The following VSNL1 variants were observed in gnomAD, a reference collection of about 807,000 sequenced individuals.
VSNL1 encodes visinin-like protein 1.
Under a neutral mutation model 20.4 loss-of-function variants are expected in VSNL1, and 6 were observed. That is an observed-to-expected ratio of 0.29 (90% CI 0.16 to 0.58). The LOEUF (loss-of-function observed/expected upper bound fraction) is 0.58, where lower values mean the gene tolerates loss of function less well. Ranked by LOEUF, VSNL1 falls within the 20% of genes least tolerant of loss-of-function variation. The probability of loss-of-function intolerance (pLI) is 0.90; values close to 1 mark genes in which losing one functional copy is unlikely to be tolerated. For synonymous variants in VSNL1, 93 were observed against 86.4 expected (o/e 1.08, Z -0.42); for missense variants, 100 against 234.5 (o/e 0.43, Z 3.75).
At chr2:17,610,388 A>T (rs1038055338) in intron 2 of VSNL1, among the ~76,000 whole-genome samples, 4 of 152,180 alleles carry the variant, frequency 2.6e-5, no homozygotes, top group Non-Finnish European at 5.9e-5. Context: ...GCTGTGAAAA[A>T]TGGGTGGTGC....
intron 2 of VSNL1, among the ~76,000 whole-genome samples, chr2:17,639,490 C>T (rs918374687): frequency 1.3e-5 from 2 of 152,158 alleles, no homozygotes; most frequent in African/African-American, 4.8e-5. Context: ...ATATGGTGCA[C>T]ATAGTGGATG....
chr2:17,579,236 C>T (rs1385669104), intron 1 of VSNL1, among the ~76,000 whole-genome samples: 1 of 152,156 alleles, frequency 6.6e-6, no homozygotes, highest in African/African-American at 2.4e-5. Context: ...CTGCCTCAGC[C>T]TCCTGAGTAG....
chr2:17,609,063 G>A (rs1665019597), intron 2 of VSNL1, among the ~76,000 whole-genome samples: 1 of 152,200 alleles, frequency 6.6e-6, no homozygotes, highest in Admixed American at 6.5e-5. Flanking sequence ...GTTTAACTGT[G>A]ACAGAGACTC....
chr2:17,622,532 AAAAGAAAGAAAGAAAGAAAGAAAGAAAG>A (rs201871488), intron 2 of VSNL1, among the ~76,000 whole-genome samples: 1,170 of 98,682 alleles, frequency 0.012, 13 homozygotes, highest in African/African-American at 0.014. Flanking sequence ...AGAAAGAAAG[AAAAGAAAGAAAGAAAGAAAGAAAGAAAG>A]AAAGAAAGAA....
At chr2:17,547,341 T>G (rs1414270919) in intron 1 of VSNL1, among the ~76,000 whole-genome samples, 1 of 152,088 alleles carries the variant, frequency 6.6e-6, no homozygotes, top group Non-Finnish European at 1.5e-5. Flanking sequence ...TCCTTATCAT[T>G]AGCATCACTT....
chr2:17,546,884 G>A (rs1431073345), intron 1 of VSNL1, among the ~76,000 whole-genome samples: 1 of 151,924 alleles, frequency 6.6e-6, no homozygotes, highest in Non-Finnish European at 1.5e-5. Flanking sequence ...TTTATATAAA[G>A]TGCTTGATGT....
At chr2:17,577,149 ATATAT>A (rs1664233304) in intron 1 of VSNL1, among the ~76,000 whole-genome samples, 1 of 152,258 alleles carries the variant, frequency 6.6e-6, no homozygotes, top group African/African-American at 2.4e-5. Flanking sequence ...TACAGTAAAA[ATATAT>A]TATACTTTTA....
intron 1 of VSNL1, among the ~76,000 whole-genome samples, chr2:17,590,335 C>G (rs1664570729): frequency 6.6e-6 from 1 of 152,186 alleles, no homozygotes; most frequent in Admixed American, 6.5e-5. Flanking sequence ...TTAGAGTTTT[C>G]TTACTCACAT....
chr2:17,577,158 A>G (rs750184599), intron 1 of VSNL1, among the ~76,000 whole-genome samples: 3 of 152,236 alleles, frequency 2.0e-5, no homozygotes, highest in Non-Finnish European at 4.4e-5. Flanking sequence ...AATATATTAT[A>G]CTTTTATGGG....
At chr2:17,563,507 TAATTGCTG>T (rs1206785664) in intron 1 of VSNL1, among the ~76,000 whole-genome samples, 1 of 152,154 alleles carries the variant, frequency 6.6e-6, no homozygotes, top group Non-Finnish European at 1.5e-5. Flanking sequence ...AGTAAATAGG[TAATTGCTG>T]AATATTTGAG....
intron 2 of VSNL1, among the ~76,000 whole-genome samples, chr2:17,631,314 TAA>T (rs1665622895): frequency 6.6e-6 from 1 of 151,684 alleles, no homozygotes; most frequent in Non-Finnish European, 1.5e-5. Context: ...CTTGATCATA[TAA>T]AAATCTAAAC....
At chr2:17,554,252 A>G (rs764977500) in intron 1 of VSNL1, among the ~76,000 whole-genome samples, 6 of 152,174 alleles carry the variant, frequency 3.9e-5, no homozygotes, top group Non-Finnish European at 7.4e-5. Flanking sequence ...ACATCTGTAA[A>G]TGGAAACTCA....
In VSNL1 at chr2:17,649,056, TG is replaced by T. The variant is rs1320979461; in HGVS notation, c.163-350del. 6.6e-6 allele frequency among the ~76,000 whole-genome samples: 1 copy of T among 152,060 alleles called. No homozygotes were observed. The highest frequency in any genetic ancestry group is 1.5e-5 in the Non-Finnish European group (1 of 67,994). On this transcript the variant is annotated intron_variant, in intron 2 of 3. Coordinates refer to ENST00000295156, the MANE Select transcript of VSNL1 (RefSeq NM_003385.5). The surrounding 1 kb of genome is among the most constrained non-coding windows in gnomAD (Gnocchi z 6.4). ...TGAAGTTCGTGTAGCACCACCTGTG[TG>T]GGGAGAGAAACTGCTGTCTGCCTCA...
intron 2 of VSNL1, among the ~76,000 whole-genome samples, chr2:17,598,916 T>C (rs1007280182): frequency 6.6e-6 from 1 of 152,250 alleles, no homozygotes; most frequent in African/African-American, 2.4e-5. Context: ...AAATTGGTTT[T>C]TACTATGTAG....
chr2:17,587,348 AACAC>A (rs67537461), intron 1 of VSNL1, among the ~76,000 whole-genome samples: 6,257 of 134,460 alleles, frequency 0.047, 158 homozygotes, highest in African/African-American at 0.073. Flanking sequence ...GGCTGAGGGC[AACAC>A]ACACACACAC....
intron 1 of VSNL1, among the ~76,000 whole-genome samples, chr2:17,591,047 A>T (rs538222884): frequency 1.3e-5 from 2 of 152,328 alleles, no homozygotes; most frequent in Admixed American, 6.5e-5. Context: ...GGAAAATTTT[A>T]AAATTATCTT....
intron 2 of VSNL1, among the ~76,000 whole-genome samples, chr2:17,646,191 A>AT (rs1665991823): frequency 6.6e-6 from 1 of 152,240 alleles, no homozygotes; most frequent in African/African-American, 2.4e-5. Context: ...GAGTTAAAGA[A>AT]TGAGTCAGAA....
intron 1 of VSNL1, among the ~76,000 whole-genome samples, chr2:17,576,021 G>A (rs939959112): frequency 2.6e-4 from 40 of 151,958 alleles, no homozygotes; most frequent in African/African-American, 9.4e-4. Context: ...CCCTCTCATT[G>A]GGTCATTGGT....
At chr2:17,636,722 ATT>A (rs60673857) in intron 2 of VSNL1, among the ~76,000 whole-genome samples, 110,459 of 151,358 alleles carry the variant, frequency 0.73, 41,822 homozygotes, top group Middle Eastern at 0.85. Flanking sequence ...ATTAAAAACT[ATT>A]TTTTTTTTTT....
Sources: gnomAD v4.1 joint callset for allele counts (sites outside exome capture counted in the v4.1 genomes callset) on GRCh38, gnomAD v4.1.1 for gene constraint, Gnocchi (gnomAD v3.1) non-coding constraint, MANE v1.5 for transcripts, NCBI Gene and HGNC (gene_info 2026-07-23, HGNC 2026-07-21) for gene names.